Variants in RALYL observed in about 807,000 individuals in gnomAD.
RALYL encodes RALY RNA binding protein like, also known as RNA-binding Raly-like protein.
RALYL carries 29 observed loss-of-function variants against 35.1 expected under a neutral mutation model. That is an observed-to-expected ratio of 0.83 (90% confidence interval 0.61 to 1.13). The LOEUF (loss-of-function observed/expected upper bound fraction) is 1.13, where lower values mean the gene tolerates loss of function less well. Ranked by LOEUF, RALYL falls within the 50% of genes most tolerant of loss-of-function variation. The probability of loss-of-function intolerance (pLI) is 0.00; values close to 1 mark genes in which losing one functional copy is unlikely to be tolerated. For synonymous variants in RALYL, 120 were observed against 127.6 expected, an observed-to-expected ratio of 0.94 and a Z score of 0.40; for missense variants, 359 against 360.4, an observed-to-expected ratio of 1.00 and a Z score of 0.03.
chr8:84,921,021 T>TA lies in RALYL; in HGVS notation c.*115dup. 1.8e-6 allele frequency: 1 copy of TA among 561,266 alleles called. No homozygotes were observed. Among genetic ancestry groups the TA allele is most frequent in the Non-Finnish European group, 3.0e-6 (1 of 330,702 alleles). The allele number at this position is 561,266 out of a possible 1,614,324, so 34.8% of individuals were successfully genotyped here. The stretch of plus-strand genomic sequence containing the variant: ...AGCAGCATCTTTGGTTCAATTTATA[T>TA]AAAAACCCAAATAAATAAAATGGAC... On this transcript the variant is annotated 3_prime_UTR_variant, in exon 9 of 9. Transcript: ENST00000521268.
At chr8:84,370,616 GA>G in intron 1 of RALYL, among the ~76,000 whole-genome samples, 1 of 152,148 alleles carries the variant, frequency 6.6e-6, no homozygotes, top group East Asian at 1.9e-4. Flanking sequence ...GAGAGCAGCA[GA>G]AAAAGGCAGT....
intron 2 of RALYL, among the ~76,000 whole-genome samples, chr8:84,581,152 A>G (rs1810739403): frequency 6.6e-6 from 1 of 152,198 alleles, no homozygotes; most frequent in Non-Finnish European, 1.5e-5. Flanking sequence ...TTGCCTTATC[A>G]GACTGTGCCT....
At chr8:84,197,789 C>CA (rs970322569) in intron 1 of RALYL, among the ~76,000 whole-genome samples, 5 of 148,966 alleles carry the variant, frequency 3.4e-5, no homozygotes, top group Non-Finnish European at 7.4e-5. Context: ...AAAAAAAAGA[C>CA]AAAAAAAATA....
At chr8:84,466,482 A>T (rs963530871) in intron 1 of RALYL, among the ~76,000 whole-genome samples, 1 of 151,214 alleles carries the variant, frequency 6.6e-6, no homozygotes, top group African/African-American at 2.4e-5. Flanking sequence ...CTTGCATCCC[A>T]GGGATGAAGC....
chr8:84,815,261 C>G lies in RALYL; in HGVS notation c.365+10459C>G, dbSNP rs1344920328. Among the ~76,000 whole-genome samples, 4 of 151,904 alleles carry G rather than the reference C, an allele frequency of 2.6e-5. No homozygotes were observed. The East Asian group carries it at 7.7e-4, about 29-fold the overall frequency. On this transcript the variant is annotated intron_variant, in intron 4 of 8. Coordinates refer to ENST00000521268, the MANE Select transcript of RALYL (RefSeq NM_173848.7). ...ATGCAGAAGTACATATAAATTCATT[C>G]TGATGTCATCTTAGACCTAAGGCTG...
chr8:84,471,165 A>G lies in RALYL; in HGVS notation c.-23-58134A>G, dbSNP rs1480821117. ...CTAATTTCTTGGACAGAGAAAGTCAAATCACACCATGTCTGGTAGAAAATA... is the reference window on the plus strand; with the variant it reads ...CTAATTTCTTGGACAGAGAAAGTCAGATCACACCATGTCTGGTAGAAAATA... On this transcript the variant is annotated intron_variant, in intron 1 of 8. Transcript: ENST00000521268. Among the ~76,000 whole-genome samples the G allele has an allele frequency of 3.3e-5, 5 of 152,226 alleles. No homozygotes were observed. In the East Asian group the frequency reaches 9.6e-4, roughly 29 times the overall value.
At chr8:84,372,884 C>CTTTTTTTTTT (rs1586678809) in intron 1 of RALYL, among the ~76,000 whole-genome samples, 2 of 18,724 alleles carry the variant, frequency 1.1e-4, no homozygotes, top group African/African-American at 6.0e-4. Context: ...ATGCCAGCAT[C>CTTTTTTTTTT]TGTTTTTTTT....
At chr8:84,408,949 T>C (rs146531919) in intron 1 of RALYL, among the ~76,000 whole-genome samples, 1 of 152,258 alleles carries the variant, frequency 6.6e-6, no homozygotes, top group East Asian at 1.9e-4. Flanking sequence ...AAATAAATAT[T>C]TTTAATAGTA....
At chr8:84,410,301 C>T (rs2043972129) in intron 1 of RALYL, among the ~76,000 whole-genome samples, 1 of 151,916 alleles carries the variant, frequency 6.6e-6, no homozygotes, top group South Asian at 2.1e-4. Context: ...AACTCTATGG[C>T]TTTTGAAACA....
chr8:84,521,231 A>G (rs952137336), intron 1 of RALYL, among the ~76,000 whole-genome samples: 1 of 152,216 alleles, frequency 6.6e-6, no homozygotes, highest in South Asian at 2.1e-4. Flanking sequence ...CATGTCAGAC[A>G]CAGTGATAAG....
rs1554701901 is a variant in RALYL at position 84,514,112 on chromosome 8, A to AAAAAAG, written c.-23-15184_-23-15183insAAGAAA. ...ATCTAAAAAAAAAAAAAAAAAAAAA[A>AAAAAAG]AAAGAAAGAAAGAAAGAAAAAAAGA... On this transcript the variant is annotated intron_variant, in intron 1 of 8. Transcript: ENST00000521268. 2.3e-4 allele frequency among the ~76,000 whole-genome samples: 32 copies of AAAAAAG among 140,102 alleles called. No individual in the cohort carries two copies. The East Asian group carries it at 5.3e-3, about 23-fold the overall frequency. The allele number at this position is 140,102 out of a possible 152,430, so 91.9% of individuals were successfully genotyped here. A position where few individuals can be genotyped will look rare whatever the true frequency, so the allele number is the denominator to read the frequency against.
intron 1 of RALYL, among the ~76,000 whole-genome samples, chr8:84,358,072 C>T (rs1211384355): frequency 6.6e-6 from 1 of 151,666 alleles, no homozygotes; most frequent in African/African-American, 2.4e-5. Context: ...CTGCTTTCTG[C>T]ATTTAAGGTA....
chr8:84,194,720 T>C (rs915096974), intron 1 of RALYL, among the ~76,000 whole-genome samples: 3 of 152,160 alleles, frequency 2.0e-5, no homozygotes, highest in Non-Finnish European at 4.4e-5. Flanking sequence ...TATTTATGAA[T>C]CAACATTCTG....
chr8:84,556,410 A>G (rs2061121823), intron 2 of RALYL, among the ~76,000 whole-genome samples: 1 of 152,216 alleles, frequency 6.6e-6, no homozygotes, highest in South Asian at 2.1e-4. Context: ...TCAAAACCAA[A>G]CAGCTAGTAA....
At chr8:84,662,020 G>T (rs1168525799) in intron 2 of RALYL, among the ~76,000 whole-genome samples, 1 of 150,688 alleles carries the variant, frequency 6.6e-6, no homozygotes, top group Non-Finnish European at 1.5e-5. Flanking sequence ...AATCTTTAAA[G>T]ACCTCCAAAT....
At chr8:84,223,129 T>C (rs1822748220) in intron 1 of RALYL, among the ~76,000 whole-genome samples, 1 of 146,062 alleles carries the variant, frequency 6.8e-6, no homozygotes, top group South Asian at 2.3e-4. Context: ...TTTCCTTTCC[T>C]TTCCTTTCCT....
At chr8:84,374,191 C>T (rs1324539273) in intron 1 of RALYL, among the ~76,000 whole-genome samples, 1 of 151,880 alleles carries the variant, frequency 6.6e-6, no homozygotes, top group East Asian at 1.9e-4. Context: ...TATTTGGATG[C>T]TCTTTATTTC....
At chr8:84,280,990 G>A (rs1312940098) in intron 1 of RALYL, among the ~76,000 whole-genome samples, 3 of 152,126 alleles carry the variant, frequency 2.0e-5, no homozygotes, top group Non-Finnish European at 4.4e-5. Flanking sequence ...ACTTCAGTTT[G>A]CATAGGGAGG....
At chr8:84,745,346 G>T (rs1262828835) in intron 2 of RALYL, among the ~76,000 whole-genome samples, 1 of 151,880 alleles carries the variant, frequency 6.6e-6, no homozygotes, top group Non-Finnish European at 1.5e-5. Flanking sequence ...GTTTTATTAA[G>T]ATCCTATTTT....
Sources: allele counts gnomAD v4.1 joint callset (sites outside exome capture counted in the v4.1 genomes callset), GRCh38; gene constraint gnomAD v4.1.1; transcripts MANE v1.5; gene names NCBI Gene and HGNC (gene_info 2026-07-23, HGNC 2026-07-21).